The following CAST variants were observed in gnomAD, a reference collection of about 807,000 sequenced individuals.
CAST encodes MIR583 host.
A neutral mutation model predicts 119.6 loss-of-function variants in CAST; 76 were observed. The observed-to-expected ratio is 0.64, with a 90% CI of 0.53 to 0.77. The LOEUF (loss-of-function observed/expected upper bound fraction) is 0.77, where lower values mean the gene tolerates loss of function less well. Among genes scored for constraint, CAST ranks in the 30% least tolerant of loss-of-function variants. CAST has a pLI of 0.00. For synonymous variants in CAST, 319 were observed against 331.6 expected, an observed-to-expected ratio of 0.96 and a Z score of 0.41; for missense variants, 953 against 946.5, an observed-to-expected ratio of 1.01 and a Z score of -0.09.
chr5:96,580,138 TCCA>T (rs1746745166), intron 1 of CAST, among the ~76,000 whole-genome samples: 2 of 152,236 alleles, frequency 1.3e-5, no homozygotes, highest in African/African-American at 2.4e-5. Flanking sequence ...ATTTAATATG[TCCA>T]TAAGACAAAG....
At chr5:96,365,749 G>A in the CAST span, among the ~76,000 whole-genome samples, 2 of 152,162 alleles carry the variant, frequency 1.3e-5, no homozygotes, top group East Asian at 3.8e-4. Context: ...CCTGAATATA[G>A]CACATTGATG....
At chr5:96,596,921 G>C (rs1254444825) in intron 1 of CAST, among the ~76,000 whole-genome samples, 1 of 152,188 alleles carries the variant, frequency 6.6e-6, no homozygotes, top group Non-Finnish European at 1.5e-5. Flanking sequence ...TGAGGAGAGA[G>C]AGATCTCTGT....
chr5:96,296,500 A>T, the CAST span, among the ~76,000 whole-genome samples: 72 of 152,276 alleles, frequency 4.7e-4, no homozygotes, highest in Middle Eastern at 3.4e-3. Context: ...ATTCTTTGCA[A>T]ATTATTTTCT....
chr5:96,393,004 A>G, the CAST span: 1 of 1,614,054 alleles, frequency 6.2e-7, no homozygotes, highest in Non-Finnish European at 8.5e-7. Context: ...ACTTATTTTA[A>G]TTTTCCTCAT....
chr5:96,304,824 C>T, the CAST span, among the ~76,000 whole-genome samples: 1 of 152,102 alleles, frequency 6.6e-6, no homozygotes, highest in Non-Finnish European at 1.5e-5. Flanking sequence ...TGTTTTGGTA[C>T]CAGTACCATG....
chr5:96,702,864 C>G lies in CAST; in HGVS notation c.210+6957C>G, dbSNP rs1394630816. ...CGGGAGCCGAGCCCAGCTAGGAATG[C>G]AGACCTCCTGAAAACCAAGCCGAGG... On this transcript the variant is annotated intron_variant, in intron 3 of 31. Transcript: ENST00000675179. 3.0e-6 allele frequency: 3 copies of G among 985,394 alleles called. No homozygotes were observed. In the African/African-American group the frequency reaches 5.2e-5, roughly 17 times the overall value. 61.0% of individuals were successfully genotyped at this position (985,394 alleles called of 1,614,324 possible).
At chr5:96,141,923 T>G in the CAST span, among the ~76,000 whole-genome samples, 3 of 152,330 alleles carry the variant, frequency 2.0e-5, no homozygotes, top group East Asian at 3.9e-4. Flanking sequence ...CTTACAAGTT[T>G]TTTCTTTTTG....
the CAST span, among the ~76,000 whole-genome samples, chr5:95,968,136 G>C: frequency 6.6e-6 from 1 of 152,250 alleles, no homozygotes; most frequent in Admixed American, 6.5e-5. Context: ...AAAATGGTTG[G>C]TTCTACTTCC....
intron 2 of CAST, among the ~76,000 whole-genome samples, chr5:96,688,003 C>T (rs1167942307): frequency 2.6e-5 from 4 of 152,150 alleles, no homozygotes; most frequent in Non-Finnish European, 5.9e-5. Context: ...ATTTGTTAAA[C>T]GTGATATGGT....
the CAST span, among the ~76,000 whole-genome samples, chr5:96,125,999 A>G: frequency 1.6e-3 from 237 of 152,310 alleles, no homozygotes; most frequent in Admixed American, 4.6e-3. Flanking sequence ...GATCTCTGGT[A>G]TGATTCTTGC....
At chr5:96,266,435 G>A in the CAST span, among the ~76,000 whole-genome samples, 1 of 152,076 alleles carries the variant, frequency 6.6e-6, no homozygotes, top group African/African-American at 2.4e-5. Context: ...CAAAGGGGAG[G>A]GGGGCACTAG....
the CAST span, among the ~76,000 whole-genome samples, chr5:96,404,879 A>G: frequency 4.6e-5 from 7 of 152,030 alleles, no homozygotes. Context: ...TTAATATTGT[A>G]TATAAAGAGG....
At chr5:96,366,811 G>C in the CAST span, among the ~76,000 whole-genome samples, 1 of 152,158 alleles carries the variant, frequency 6.6e-6, no homozygotes, top group Non-Finnish European at 1.5e-5. Flanking sequence ...ATCATCTGAA[G>C]CCTTCTTCTC....
the CAST span, among the ~76,000 whole-genome samples, chr5:95,984,012 A>G: frequency 6.6e-6 from 1 of 152,200 alleles, no homozygotes; most frequent in Non-Finnish European, 1.5e-5. Context: ...CCTAGAATGC[A>G]AACCTATACT....
chr5:96,012,260 T>G, the CAST span, among the ~76,000 whole-genome samples: 3 of 152,144 alleles, frequency 2.0e-5, no homozygotes, highest in Admixed American at 2.0e-4. Flanking sequence ...AAGGAAACTT[T>G]AATCAATCAG....
upstream of CAST, among the ~76,000 whole-genome samples, chr5:96,660,886 A>C (rs527602058): frequency 2.0e-5 from 3 of 151,872 alleles, no homozygotes; most frequent in African/African-American, 7.3e-5. Flanking sequence ...TTTATGTATA[A>C]ATTCCTGCAG....
At chr5:96,565,738 A>T (rs1346036607) in intron 1 of CAST, among the ~76,000 whole-genome samples, 1 of 152,146 alleles carries the variant, frequency 6.6e-6, no homozygotes, top group African/African-American at 2.4e-5. Flanking sequence ...ATAGGAGAAG[A>T]CCGTGAGGGG....
At chr5:96,275,207 A>G in the CAST span, among the ~76,000 whole-genome samples, 1 of 152,186 alleles carries the variant, frequency 6.6e-6, no homozygotes, top group Non-Finnish European at 1.5e-5. Context: ...CCGTATTTGA[A>G]CTCATCCCCA....
At chr5:96,271,956 G>A in the CAST span, among the ~76,000 whole-genome samples, 1 of 152,102 alleles carries the variant, frequency 6.6e-6, no homozygotes, top group Non-Finnish European at 1.5e-5. Context: ...CAAGAGATCC[G>A]AATAGACATT....
Sources: gnomAD v4.1 joint callset for allele counts (sites outside exome capture counted in the v4.1 genomes callset) on GRCh38, gnomAD v4.1.1 for gene constraint, MANE v1.5 for transcripts, NCBI Gene and HGNC (gene_info 2026-07-23, HGNC 2026-07-21) for gene names.